Variants in CYB5D2 observed in about 807,000 individuals in gnomAD.
The protein encoded by CYB5D2 is cytochrome b5 domain containing 2.
A neutral mutation model predicts 22.8 loss-of-function variants in CYB5D2; 23 were observed. The observed-to-expected ratio is 1.01, with a 90% CI of 0.73 to 1.43. The LOEUF is 1.43. Among genes scored for constraint, CYB5D2 ranks in the 40% most tolerant of loss-of-function variants. CYB5D2 has a pLI of 0.00. For missense variants in CYB5D2, 373 were observed against 357.2 expected (o/e 1.04, Z -0.36); for synonymous variants, 170 against 152.2 (o/e 1.12, Z -0.86).
At chr17:4,151,686 C>CA (rs936776497) in intron 2 of CYB5D2, among the ~76,000 whole-genome samples, 14 of 146,110 alleles carry the variant, frequency 9.6e-5, no homozygotes, top group Non-Finnish European at 1.5e-4. Context: ...GACTCTGTCT[C>CA]AAAAAAAAAG....
chr17:4,154,920 C>T (rs2059098424), intron 3 of CYB5D2, 60 bp downstream of exon 3: 1 of 1,514,592 alleles, frequency 6.6e-7, no homozygotes, highest in Non-Finnish European at 8.9e-7. Flanking sequence ...CTAGGCCATC[C>T]TGCCTGCAGT....
At position 4,154,672 on chromosome 17, in the gene CYB5D2, A is replaced by G. The variant is rs1166404987; in HGVS notation, c.392-2A>G. The G allele has an allele frequency of 6.2e-7, 1 of 1,612,816 alleles. No individual in the cohort carries two copies. Among genetic ancestry groups the G allele is most frequent in the Non-Finnish European group, 8.5e-7 (1 of 1,179,386 alleles). On this transcript the variant is annotated splice_acceptor_variant, in intron 2 of 3. Coordinates refer to ENST00000301391, the MANE Select transcript of CYB5D2 (RefSeq NM_144611.4). LOFTEE classifies it high-confidence loss of function. ...CTCACATCTGCCTTCCTGTCATCACAGGGAGGGTGACAGGACGGTTCTACG... is the reference window on the plus strand; with the variant it reads ...CTCACATCTGCCTTCCTGTCATCACGGGGAGGGTGACAGGACGGTTCTACG...
rs372881821 is a variant in CYB5D2, at chr17:4,149,953, G to A, written c.313G>A (p.Val105Ile). Residue 105 changes from valine (V) to isoleucine (I), a missense_variant, in exon 2 of 4, where the codon GTA becomes ATA. Coordinates refer to ENST00000301391, the MANE Select transcript of CYB5D2 (RefSeq NM_144611.4). Reference sequence around the variant, plus strand: ...TTCTGAAGCAGGCCTCGTGGATGACGTATCCGACCTGTCAGCCGCTGAGAT... The same window carrying A: ...TTCTGAAGCAGGCCTCGTGGATGACATATCCGACCTGTCAGCCGCTGAGAT... Reference protein sequence around the residue: ...DCSEAGLVDDVSDLSAAEMLT... With the variant: ...DCSEAGLVDDISDLSAAEMLT... 3.7e-6 allele frequency: 6 copies of A among 1,614,146 alleles called. No individual in the cohort carries two copies. The highest frequency in any genetic ancestry group is 2.2e-5 in the South Asian group (2 of 91,082).
intron 1 of CYB5D2, among the ~76,000 whole-genome samples, chr17:4,144,545 C>T (rs1597969978): frequency 6.6e-6 from 1 of 152,126 alleles, no homozygotes; most frequent in African/African-American, 2.4e-5. Context: ...GTCATTCCTG[C>T]TTCTAGTACA....
Position 4,157,248 on chromosome 17 carries a change from C to A in CYB5D2, c.*166C>A. The A allele has an allele frequency of 1.3e-6, 1 of 782,038 alleles. No individual in the cohort carries two copies. Among genetic ancestry groups the A allele is most frequent in the Non-Finnish European group, 2.0e-6 (1 of 494,898 alleles). The allele number at this position is 782,038 out of a possible 1,614,324, so 48.4% of individuals were successfully genotyped here. ...GCTCATGCCCCTTACCGTGGCTCGG[C>A]GTTGTGGTGCCTGAGGGACAGCCGG... On this transcript the variant is annotated 3_prime_UTR_variant, in exon 4 of 4. Coordinates refer to ENST00000301391, the MANE Select transcript of CYB5D2 (RefSeq NM_144611.4). This position sits in a 1 kb window ranked among gnomAD's most constrained non-coding sequence, Gnocchi z 4.4.
In CYB5D2 at chr17:4,143,704, C is replaced by CTTAGT. The variant is rs1567883284; in HGVS notation, c.-51_-50insTAGTT. The CTTAGT allele has an allele frequency of 6.4e-7, 1 of 1,560,778 alleles. No individual in the cohort carries two copies. Among genetic ancestry groups the CTTAGT allele is most frequent in the Non-Finnish European group, 8.7e-7 (1 of 1,151,312 alleles). ...ACGCTCGGCGTCTCGGCCATCTTAGCTGTAGATAGAGGCGGCAACCTCGGA... is the reference window on the plus strand; with the variant it reads ...ACGCTCGGCGTCTCGGCCATCTTAGCTTAGTTGTAGATAGAGGCGGCAACCTCGGA... On this transcript the variant is annotated 5_prime_UTR_variant, in exon 1 of 4. Coordinates refer to ENST00000301391, the MANE Select transcript of CYB5D2 (RefSeq NM_144611.4).
chr17:4,143,643 G>T lies in CYB5D2; in HGVS notation c.-113G>T. On this transcript the variant is annotated 5_prime_UTR_variant, in exon 1 of 4. Coordinates refer to ENST00000301391, the MANE Select transcript of CYB5D2 (RefSeq NM_144611.4). ...GGAGGGAGCGCGAGCACTAGCGCGC[G>T]AGAGAGAGAGCGAGAGCGCGCGCGC... The T allele has an allele frequency of 2.1e-6, 2 of 958,458 alleles. No homozygotes were observed. The highest frequency in any genetic ancestry group is 7.5e-5 in the East Asian group (2 of 26,528). 59.4% of individuals were successfully genotyped at this position (958,458 alleles called of 1,614,324 possible).
At chr17:4,149,004 G>A (rs1031391959) in intron 1 of CYB5D2, among the ~76,000 whole-genome samples, 5 of 151,200 alleles carry the variant, frequency 3.3e-5, no homozygotes, top group Admixed American at 2.6e-4. Flanking sequence ...GCAGGCTGGA[G>A]TGCAGTGGCA....
intron 2 of CYB5D2, among the ~76,000 whole-genome samples, chr17:4,151,696 GA>G (rs766300172): frequency 6.7e-6 from 1 of 148,980 alleles, no homozygotes; most frequent in East Asian, 2.0e-4. Flanking sequence ...CAAAAAAAAA[GA>G]AAAAAAAGAA....
At chr17:4,147,433 T>C (rs570206313) in intron 1 of CYB5D2, among the ~76,000 whole-genome samples, 1 of 152,322 alleles carries the variant, frequency 6.6e-6, no homozygotes, top group Non-Finnish European at 1.5e-5. Flanking sequence ...TAAATAGATA[T>C]TAAATAGATA....
At chr17:4,156,495 C>T (rs1038463992) in intron 3 of CYB5D2, among the ~76,000 whole-genome samples, 2 of 152,264 alleles carry the variant, frequency 1.3e-5, no homozygotes, top group African/African-American at 4.8e-5. Flanking sequence ...AGAGGACAGT[C>T]GCACCCAGAC....
At position 4,157,646 on chromosome 17, in the gene CYB5D2, C is replaced by A; in HGVS notation, c.*564C>A. Reference sequence around the variant, plus strand: ...GCAAAAGGTGGCTTCCCAGCTCTAACAAGGTAACTGGTTAGCATGACATTA... The same window carrying A: ...GCAAAAGGTGGCTTCCCAGCTCTAAAAAGGTAACTGGTTAGCATGACATTA... On this transcript the variant is annotated 3_prime_UTR_variant, in exon 4 of 4. Transcript: ENST00000301391. This position sits in a 1 kb window ranked among gnomAD's most constrained non-coding sequence, Gnocchi z 4.4. The A allele has an allele frequency of 6.4e-6, 1 of 156,916 alleles. No homozygotes were observed. The highest frequency in any genetic ancestry group is 1.4e-5 in the Non-Finnish European group (1 of 71,358). 9.7% of individuals were successfully genotyped at this position (156,916 alleles called of 1,614,324 possible).
At chr17:4,154,401 T>C (rs1473297156) in intron 2 of CYB5D2, among the ~76,000 whole-genome samples, 1 of 152,236 alleles carries the variant, frequency 6.6e-6, no homozygotes. Flanking sequence ...CACATGGCTG[T>C]GCCCTCAGGG....
intron 1 of CYB5D2, 94 bp from the exon 2 acceptor site, chr17:4,149,797 T>C: frequency 7.3e-7 from 1 of 1,365,788 alleles, no homozygotes. Context: ...CGACTCCGTC[T>C]CAAAAAAAAA....
intron 1 of CYB5D2, among the ~76,000 whole-genome samples, chr17:4,147,328 G>A (rs1246898507): frequency 3.9e-5 from 6 of 152,214 alleles, no homozygotes; most frequent in South Asian, 2.1e-4. Flanking sequence ...ATTTACTAAA[G>A]ATCAGGCACT....
intron 1 of CYB5D2, among the ~76,000 whole-genome samples, chr17:4,145,201 A>G (rs1240411391): frequency 3.9e-5 from 6 of 152,242 alleles, no homozygotes; most frequent in Non-Finnish European, 8.8e-5. Flanking sequence ...GCTGACATTA[A>G]ATAAGCATTT....
At chr17:4,156,169 GTTTC>G (rs1264938899) in intron 3 of CYB5D2, among the ~76,000 whole-genome samples, 1 of 152,260 alleles carries the variant, frequency 6.6e-6, no homozygotes, top group Non-Finnish European at 1.5e-5. Flanking sequence ...AAGAACCTCA[GTTTC>G]TTTCTTGCAA....
intron 1 of CYB5D2, among the ~76,000 whole-genome samples, chr17:4,147,117 T>G (rs886154502): frequency 2.0e-5 from 3 of 152,194 alleles, no homozygotes; most frequent in African/African-American, 7.2e-5. Flanking sequence ...GTACAAATGT[T>G]TGTGTGAGCT....
Position 4,157,120 on chromosome 17 carries a change from T to C in CYB5D2, c.*38T>C. 6.2e-7 allele frequency: 1 copy of C among 1,602,308 alleles called. No homozygotes were observed. Among genetic ancestry groups the C allele is most frequent in the Non-Finnish European group, 8.5e-7 (1 of 1,173,796 alleles). On this transcript the variant is annotated 3_prime_UTR_variant, in exon 4 of 4. Coordinates refer to ENST00000301391, the MANE Select transcript of CYB5D2 (RefSeq NM_144611.4). This position sits in a 1 kb window ranked among gnomAD's most constrained non-coding sequence, Gnocchi z 4.4. ...TCTGTTAATAACACACAGAGAGCTC[T>C]GCCAAGCACCTGAGTAGGCCCTTGA...
Sources: gnomAD v4.1 joint callset for allele counts (sites outside exome capture counted in the v4.1 genomes callset) on GRCh38, gnomAD v4.1.1 for gene constraint, Gnocchi (gnomAD v3.1) non-coding constraint, MANE v1.5 for transcripts, NCBI Gene and HGNC (gene_info 2026-07-23, HGNC 2026-07-21) for gene names.